EPB41L4A: variants seen among roughly 807,000 people sequenced by gnomAD.
EPB41L4A encodes band 4.1-like protein 4A.
Under a neutral mutation model 108.6 loss-of-function variants are expected in EPB41L4A, and 100 were observed. That is an observed-to-expected ratio of 0.92 (90% CI 0.78 to 1.09). EPB41L4A has a LOEUF of 1.09. Among genes scored for constraint, EPB41L4A ranks in the 50% least tolerant of loss-of-function variants. EPB41L4A has a pLI of 0.00. For synonymous variants in EPB41L4A, 319 were observed against 289.0 expected (o/e 1.10, Z -1.05); for missense variants, 1,030 against 842.7 (o/e 1.22, Z -2.75).
downstream of EPB41L4A, chr5:112,161,932 A>T (rs1759932182): frequency 6.2e-6 from 1 of 160,350 alleles, no homozygotes; most frequent in Non-Finnish European, 1.4e-5. Context: ...TAGCCTCCAC[A>T]GCTTATTTTT....
At chr5:112,204,270 G>C (rs931106105) in intron 15 of EPB41L4A, 105 bp downstream of exon 15, 19 of 681,160 alleles carry the variant, frequency 2.8e-5, no homozygotes, top group Non-Finnish European at 4.7e-5. Context: ...TGTTATCTTG[G>C]AGAGAAACAG....
intron 1 of EPB41L4A, among the ~76,000 whole-genome samples, chr5:112,405,456 T>C (rs758856972): frequency 5.3e-5 from 8 of 152,214 alleles, no homozygotes; most frequent in African/African-American, 9.6e-5. Context: ...ATTTGCCACA[T>C]AGCAATAGAT....
At chr5:112,149,362 C>T (rs928757643) in intron 12 of EPB41L4A, among the ~76,000 whole-genome samples, 2 of 152,168 alleles carry the variant, frequency 1.3e-5, no homozygotes, top group Non-Finnish European at 2.9e-5. Context: ...TTCCCAGCTA[C>T]TTGGGAGGCT....
chr5:112,210,726 A>G (rs1319433415), intron 12 of EPB41L4A, among the ~76,000 whole-genome samples: 2 of 152,074 alleles, frequency 1.3e-5, no homozygotes, highest in African/African-American at 4.8e-5. Flanking sequence ...AGCCTGCAGA[A>G]GTGAGGTGTG....
At chr5:112,165,453 G>C (rs1174871991) in intron 22 of EPB41L4A, among the ~76,000 whole-genome samples, 1 of 152,166 alleles carries the variant, frequency 6.6e-6, no homozygotes, top group Non-Finnish European at 1.5e-5. Flanking sequence ...ACAGGATAGT[G>C]ATGGAGACTT....
chr5:112,200,072 C>T (rs1762148815), intron 15 of EPB41L4A, among the ~76,000 whole-genome samples: 1 of 152,238 alleles, frequency 6.6e-6, no homozygotes, highest in African/African-American at 2.4e-5. Flanking sequence ...AGATCAGATC[C>T]CATCTTTCTC....
intron 2 of EPB41L4A, among the ~76,000 whole-genome samples, chr5:112,291,180 G>A (rs754683689): frequency 2.0e-5 from 3 of 152,156 alleles, no homozygotes; most frequent in African/African-American, 4.8e-5. Context: ...AATGTACACA[G>A]AGCCTACAAA....
chr5:112,247,870 G>T (rs754307734), intron 9 of EPB41L4A, among the ~76,000 whole-genome samples: 2 of 152,106 alleles, frequency 1.3e-5, no homozygotes, highest in African/African-American at 4.8e-5. Context: ...TTCAAGTACA[G>T]ACCTTATCAC....
intron 11 of EPB41L4A, among the ~76,000 whole-genome samples, chr5:112,237,435 T>C (rs1219204031): frequency 1.3e-5 from 2 of 152,172 alleles, no homozygotes; most frequent in South Asian, 2.1e-4. Flanking sequence ...ACTAGAACTC[T>C]TGTCTTCCTC....
intron 2 of EPB41L4A, among the ~76,000 whole-genome samples, chr5:112,299,235 T>A (rs1192702299): frequency 6.6e-6 from 1 of 152,198 alleles, no homozygotes; most frequent in Admixed American, 6.5e-5. Flanking sequence ...GGTGTGACCA[T>A]AGATTGTCTA....
At chr5:112,171,675 C>G (rs1760588751) in intron 18 of EPB41L4A, among the ~76,000 whole-genome samples, 1 of 152,210 alleles carries the variant, frequency 6.6e-6, no homozygotes, top group Non-Finnish European at 1.5e-5. Context: ...AAAATTCAGT[C>G]AGCATTCAAG....
intron 1 of EPB41L4A, among the ~76,000 whole-genome samples, chr5:112,399,828 C>T (rs1001499387): frequency 1.3e-5 from 2 of 152,210 alleles, no homozygotes; most frequent in Non-Finnish European, 2.9e-5. Flanking sequence ...GCCCACTGAC[C>T]TAGGAGCTCC....
intron 15 of EPB41L4A, among the ~76,000 whole-genome samples, chr5:112,203,844 C>T (rs997094461): frequency 1.3e-5 from 2 of 151,916 alleles, no homozygotes; most frequent in African/African-American, 4.8e-5. Context: ...GAGTTCGAGA[C>T]CAGCCTGACC....
At position 112,226,529 on chromosome 5, in the gene EPB41L4A, T is replaced by C. The variant is rs534141843; in HGVS notation, c.1087+8105A>G. Among the ~76,000 whole-genome samples, 6 of 152,352 alleles carry C rather than the reference T, an allele frequency of 3.9e-5. No individual in the cohort carries two copies. The South Asian group carries it at 1.2e-3, about 32-fold the overall frequency. On this transcript the variant is annotated intron_variant, in intron 12 of 22. Coordinates refer to ENST00000261486, the MANE Select transcript of EPB41L4A (RefSeq NM_022140.5). ...AAACCACCTTACATAGAAGATGGAA[T>C]GATTAACTGTGTGAACTTTAAAATT...
At chr5:112,306,978 T>C (rs996958852) in intron 2 of EPB41L4A, among the ~76,000 whole-genome samples, 1 of 152,168 alleles carries the variant, frequency 6.6e-6, no homozygotes, top group African/African-American at 2.4e-5. Flanking sequence ...CACTTTTTTT[T>C]TTACACTGTT....
At chr5:112,210,081 C>A in intron 12 of EPB41L4A, 99 bp from the exon 13 acceptor site, 1 of 663,674 alleles carries the variant, frequency 1.5e-6, no homozygotes, top group Non-Finnish European at 2.6e-6. Flanking sequence ...TTTAGGGACA[C>A]TGTGGCACAT....
At chr5:112,372,558 AGGCAGGAAAGT>A in intron 1 of EPB41L4A, among the ~76,000 whole-genome samples, 1 of 152,362 alleles carries the variant, frequency 6.6e-6, no homozygotes, top group Non-Finnish European at 1.5e-5. Flanking sequence ...AAAGACCTGA[AGGCAGGAAAGT>A]ATAGGATACA....
chr5:112,205,242 G>T (rs1222253527), intron 14 of EPB41L4A, among the ~76,000 whole-genome samples, 179 bp downstream of exon 14: 1 of 148,838 alleles, frequency 6.7e-6, no homozygotes, highest in African/African-American at 2.5e-5. Context: ...ACATACTGTT[G>T]ATTTCCACTT....
At chr5:112,211,388 TC>T (rs1304803623) in intron 12 of EPB41L4A, among the ~76,000 whole-genome samples, 1 of 152,040 alleles carries the variant, frequency 6.6e-6, no homozygotes, top group African/African-American at 2.4e-5. Context: ...TCAAGACCAC[TC>T]TGGCCAACAA....
Sources: gnomAD v4.1 joint callset for allele counts (sites outside exome capture counted in the v4.1 genomes callset) on GRCh38, gnomAD v4.1.1 for gene constraint, MANE v1.5 for transcripts, NCBI Gene and HGNC (gene_info 2026-07-23, HGNC 2026-07-21) for gene names.